PCSK6: variants seen among roughly 807,000 people sequenced by gnomAD.
The protein encoded by PCSK6 is proprotein convertase subtilisin/kexin type 6.
A neutral mutation model predicts 123.3 loss-of-function variants in PCSK6; 85 were observed. The ratio of observed to expected loss-of-function variants is 0.69; its 90% CI spans 0.58 to 0.83. The LOEUF (loss-of-function observed/expected upper bound fraction) is 0.83, where lower values mean the gene tolerates loss of function less well. PCSK6 is among the 40% of genes least tolerant of loss of function. PCSK6 has a pLI of 0.00. For missense variants in PCSK6, 1,191 were observed against 1,282.3 expected, an observed-to-expected ratio of 0.93 and a Z score of 1.09; for synonymous variants, 508 against 516.0, an observed-to-expected ratio of 0.98 and a Z score of 0.21.
chr15:101,366,262 C>A lies in PCSK6; in HGVS notation c.1792G>T (p.Ala598Ser). ...FMTVHCWGEK[A>S]EGQWTLEIQD... ...ATTTCCAAGGTCCACTGCCCTTCAG[C>A]CTTTTCTCCCCAGCAGTGGACAGTC... Residue 598 changes from alanine (A) to serine (S), a missense_variant, in exon 13 of 22, where the codon GCT (alanine) becomes TCT (serine). Coordinates refer to ENST00000611716, the MANE Select transcript of PCSK6 (RefSeq NM_002570.5). The A allele has an allele frequency of 1.9e-6, 3 of 1,613,808 alleles. No homozygotes were observed. The highest frequency in any genetic ancestry group is 1.3e-5 in the African/African-American group (1 of 75,038).
intron 6 of PCSK6, among the ~76,000 whole-genome samples, chr15:101,399,247 C>T (rs74032845): frequency 0.014 from 2,069 of 152,310 alleles, 54 homozygotes; most frequent in African/African-American, 0.048. Flanking sequence ...TCCACCTCTC[C>T]CAGCTGTTGA....
intron 9 of PCSK6, among the ~76,000 whole-genome samples, chr15:101,388,311 C>A (rs1314497518): frequency 2.0e-5 from 3 of 152,204 alleles, no homozygotes; most frequent in Non-Finnish European, 4.4e-5. Flanking sequence ...AATCCACATG[C>A]AAACACACGT....
chr15:101,331,814 T>A (rs775205273), intron 14 of PCSK6, 38 bp downstream of exon 14: 1 of 1,609,866 alleles, frequency 6.2e-7, no homozygotes, highest in Middle Eastern at 1.7e-4. Flanking sequence ...TCAAAGCTCG[T>A]GGAAGCTGGC....
At chr15:101,381,362 C>CTCAATCAATCAA (rs201058324) in intron 11 of PCSK6, among the ~76,000 whole-genome samples, 1 of 151,840 alleles carries the variant, frequency 6.6e-6, no homozygotes, top group Non-Finnish European at 1.5e-5. Context: ...AAAACTCGGT[C>CTCAATCAATCAA]TCAATCAATC....
In PCSK6 at chr15:101,305,279, G is replaced by T. The variant is rs1353958309; in HGVS notation, c.2889C>A (p.Arg963=). The T allele has an allele frequency of 4.3e-6, 7 of 1,612,040 alleles. No individual in the cohort carries two copies. The highest frequency in any genetic ancestry group is 5.9e-6 in the Non-Finnish European group (7 of 1,179,650). The change falls in exon 22 of 22, where the codon CGC becomes CGA. Residue 963 remains arginine (R), a synonymous_variant. Coordinates refer to ENST00000611716, the MANE Select transcript of PCSK6 (RefSeq NM_002570.5). This position sits in a 1 kb window ranked among gnomAD's most constrained non-coding sequence, Gnocchi z 4.8. ...ERKLFIQFCC[R]TCLLAG ...ACCCTTACCCGGCCAGGAGGCACGT[G>T]CGGCAGCAGAACTGAATGAAGAGCT...
At chr15:101,413,011 G>GGAA (rs2055754313) in intron 6 of PCSK6, among the ~76,000 whole-genome samples, 1 of 127,182 alleles carries the variant, frequency 7.9e-6, no homozygotes. Flanking sequence ...GGAGTGAGGA[G>GGAA]GAGGAGGAGG....
At chr15:101,478,606 G>C (rs1012100680) in intron 1 of PCSK6, among the ~76,000 whole-genome samples, 2 of 152,096 alleles carry the variant, frequency 1.3e-5, no homozygotes, top group Non-Finnish European at 2.9e-5. Flanking sequence ...TGCTCGTTCT[G>C]AGCTTCAGAG....
intron 5 of PCSK6, among the ~76,000 whole-genome samples, chr15:101,429,682 C>T (rs2056381250): frequency 6.6e-6 from 1 of 152,218 alleles, no homozygotes; most frequent in Non-Finnish European, 1.5e-5. Context: ...GACGGTTAGA[C>T]TTAAGGGTTT....
At chr15:101,313,284 C>A in intron 20 of PCSK6, 92 bp downstream of exon 20, 1 of 1,601,780 alleles carries the variant, frequency 6.2e-7, no homozygotes, top group Admixed American at 1.7e-5. Flanking sequence ...ATGCCCTCCC[C>A]GGCCCCTGGG....
chr15:101,478,375 C>T (rs750143363), intron 1 of PCSK6, among the ~76,000 whole-genome samples: 10 of 152,100 alleles, frequency 6.6e-5, no homozygotes, highest in Non-Finnish European at 1.3e-4. Context: ...AGGACAGTCA[C>T]GTGTGGGGAC....
chr15:101,435,409 A>G (rs1035418833), intron 2 of PCSK6, among the ~76,000 whole-genome samples: 2 of 152,256 alleles, frequency 1.3e-5, no homozygotes, highest in Admixed American at 6.5e-5. Context: ...AAAATCAACT[A>G]TAAGTGATTT....
chr15:101,330,394 CACCATG>C (rs2040349972), intron 15 of PCSK6, among the ~76,000 whole-genome samples: 1 of 152,270 alleles, frequency 6.6e-6, no homozygotes, highest in Non-Finnish European at 1.5e-5. Flanking sequence ...ACTCCTGATG[CACCATG>C]ACCATGGCCG....
chr15:101,409,073 G>A lies in PCSK6; in HGVS notation c.824-10497C>T, dbSNP rs1319146184. ...TGTTTGTCAGGTGGGAGGGCTCCCT[G>A]CGGTCTCCAGCTGCCCTTGCTGCAG... On this transcript the variant is annotated intron_variant, in intron 6 of 21. Transcript: ENST00000611716. Among the ~76,000 whole-genome samples the A allele has an allele frequency of 2.6e-5, 4 of 152,296 alleles. No homozygotes were observed. In the South Asian group the frequency reaches 6.2e-4, roughly 24 times the overall value.
At chr15:101,426,327 A>ATGTAAGT (rs1429957263) in intron 6 of PCSK6, among the ~76,000 whole-genome samples, 17 of 152,354 alleles carry the variant, frequency 1.1e-4, no homozygotes, top group Admixed American at 9.1e-4. Flanking sequence ...CAGAGAGGTT[A>ATGTAAGT]TGTAAGTTGT....
intron 11 of PCSK6, among the ~76,000 whole-genome samples, chr15:101,378,990 C>T (rs2141493848): frequency 6.6e-6 from 1 of 152,280 alleles, no homozygotes; most frequent in East Asian, 1.9e-4. Flanking sequence ...TGGGCCTGAG[C>T]ATGACTCGGG....
chr15:101,331,311 C>G (rs1596191876), intron 15 of PCSK6, among the ~76,000 whole-genome samples: 1 of 152,364 alleles, frequency 6.6e-6, no homozygotes, highest in East Asian at 1.9e-4. Context: ...TATCTGCTGA[C>G]ATCATCTCTT....
intron 1 of PCSK6, among the ~76,000 whole-genome samples, chr15:101,475,956 C>G (rs903138483): frequency 2.6e-5 from 4 of 152,212 alleles, no homozygotes; most frequent in African/African-American, 9.6e-5. Flanking sequence ...CTGGCACTAT[C>G]TGTTGGGAGA....
chr15:101,339,311 T>C (rs564572325), intron 13 of PCSK6, among the ~76,000 whole-genome samples: 3 of 152,330 alleles, frequency 2.0e-5, no homozygotes, highest in South Asian at 2.1e-4. Context: ...AATTCCTTAA[T>C]TGAAACACAG....
intron 7 of PCSK6, among the ~76,000 whole-genome samples, chr15:101,397,803 C>T (rs113328309): frequency 1.3e-5 from 2 of 152,218 alleles, no homozygotes; most frequent in East Asian, 1.9e-4. Flanking sequence ...GAGTGGCTGG[C>T]GGGTGGCCTC....
Sources: gnomAD v4.1 joint callset for allele counts (sites outside exome capture counted in the v4.1 genomes callset) on GRCh38, gnomAD v4.1.1 for gene constraint, Gnocchi (gnomAD v3.1) non-coding constraint, MANE v1.5 for transcripts, NCBI Gene and HGNC (gene_info 2026-07-23, HGNC 2026-07-21) for gene names.